The following SYNPR variants were observed in gnomAD, a reference collection of about 807,000 sequenced individuals.
SYNPR encodes synaptoporin.
In SYNPR, 23 loss-of-function variants were observed where a neutral mutation model predicts 32.9. That is an observed-to-expected ratio of 0.70 (90% CI 0.50 to 0.99). SYNPR has a LOEUF of 0.99. Among genes scored for constraint, SYNPR ranks in the 50% least tolerant of loss-of-function variants. The pLI, the probability that SYNPR is intolerant of heterozygous loss-of-function variation, is 0.00. For missense variants in SYNPR, 318 were observed against 349.3 expected (o/e 0.91, Z 0.71); for synonymous variants, 146 against 135.9 (o/e 1.07, Z -0.52).
chr3:63,315,053 G>C (rs891953225), intron 2 of SYNPR, among the ~76,000 whole-genome samples: 3 of 151,902 alleles, frequency 2.0e-5, no homozygotes, highest in African/African-American at 7.2e-5. Flanking sequence ...GTAAGTATTT[G>C]GGTTTATTTC....
chr3:63,320,892 C>A (rs1198495686), intron 2 of SYNPR, among the ~76,000 whole-genome samples: 2 of 152,048 alleles, frequency 1.3e-5, no homozygotes, highest in African/African-American at 2.4e-5. Context: ...AGAAACACTG[C>A]CATCTCAAAT....
chr3:63,476,212 AGG>A (rs1700911036), intron 2 of SYNPR, among the ~76,000 whole-genome samples: 1 of 74,050 alleles, frequency 1.4e-5, no homozygotes, highest in African/African-American at 5.7e-5. Context: ...GAAGGAAGGA[AGG>A]AGGGAAGGGA....
At chr3:63,332,457 T>C (rs1397324832) in intron 2 of SYNPR, among the ~76,000 whole-genome samples, 2 of 152,362 alleles carry the variant, frequency 1.3e-5, no homozygotes, top group Middle Eastern at 3.4e-3. Flanking sequence ...ATCTGCCCTA[T>C]CTGCCCTTTC....
Position 63,564,265 on chromosome 3 carries a change from C to T in SYNPR, c.408+7524C>T, listed in dbSNP as rs547952382. Among the ~76,000 whole-genome samples, 18 of 149,160 alleles carry T rather than the reference C, an allele frequency of 1.2e-4. 2 individuals are homozygous for T. In the South Asian group the frequency reaches 3.6e-3, roughly 30 times the overall value. ...TGGAGTGCAGTGGCACAGTCGATCT[C>T]GGCTCACTGCAACCACTGCCTCCTG... is the stretch of plus-strand genomic sequence containing the variant. On this transcript the variant is annotated intron_variant, in intron 4 of 5. Transcript: ENST00000478300.
intron 3 of SYNPR, among the ~76,000 whole-genome samples, chr3:63,508,341 A>G (rs1505585): frequency 0.68 from 103,538 of 151,952 alleles, 35,969 homozygotes; most frequent in African/African-American, 0.82. Context: ...TCTCAAGAGG[A>G]AGTGATTGAC....
intron 2 of SYNPR, among the ~76,000 whole-genome samples, chr3:63,352,807 A>G (rs1055338507): frequency 1.3e-5 from 2 of 152,144 alleles, no homozygotes; most frequent in African/African-American, 4.8e-5. Context: ...GCAGACAAGA[A>G]AGCATGTGTA....
At chr3:63,563,263 T>C (rs1381624510) in intron 4 of SYNPR, among the ~76,000 whole-genome samples, 1 of 152,186 alleles carries the variant, frequency 6.6e-6, no homozygotes, top group Non-Finnish European at 1.5e-5. Flanking sequence ...CCTTTGTGTT[T>C]CTTGAATCCC....
intron 1 of SYNPR, among the ~76,000 whole-genome samples, chr3:63,240,933 T>C (rs982945270): frequency 3.3e-5 from 5 of 152,024 alleles, no homozygotes; most frequent in Non-Finnish European, 5.9e-5. Context: ...ACCACACCCA[T>C]GCATGCATCT....
intron 3 of SYNPR, among the ~76,000 whole-genome samples, chr3:63,542,126 G>A (rs771026882): frequency 6.6e-6 from 1 of 152,060 alleles, no homozygotes; most frequent in Non-Finnish European, 1.5e-5. Flanking sequence ...CACTGTGCTG[G>A]GCGCTAGAGA....
chr3:63,532,224 C>A (rs1185233585), intron 3 of SYNPR, among the ~76,000 whole-genome samples: 1 of 152,188 alleles, frequency 6.6e-6, no homozygotes, highest in Non-Finnish European at 1.5e-5. Flanking sequence ...GGCTTTCCCT[C>A]TTTCAATCGT....
chr3:63,439,977 C>T (rs910410144), intron 2 of SYNPR, among the ~76,000 whole-genome samples: 10 of 152,124 alleles, frequency 6.6e-5, no homozygotes, highest in Non-Finnish European at 1.2e-4. Flanking sequence ...TTAAGCAAAA[C>T]AAACAAGTTT....
intron 2 of SYNPR, among the ~76,000 whole-genome samples, chr3:63,463,219 A>G (rs988612148): frequency 6.6e-6 from 1 of 152,140 alleles, no homozygotes. Flanking sequence ...TACCGTTGCA[A>G]TGAAGTGATT....
chr3:63,404,858 T>C (rs142748761), intron 2 of SYNPR, among the ~76,000 whole-genome samples: 41 of 152,280 alleles, frequency 2.7e-4, no homozygotes, highest in African/African-American at 9.6e-4. Flanking sequence ...TCTCAGGGGT[T>C]AGACAAAATT....
chr3:63,201,436 T>C, the SYNPR span, among the ~76,000 whole-genome samples: 1 of 152,280 alleles, frequency 6.6e-6, no homozygotes, highest in Middle Eastern at 3.4e-3. Context: ...TGTGTCTCTG[T>C]GGGACAGACA....
At chr3:63,377,064 C>G (rs2087904832) in intron 2 of SYNPR, among the ~76,000 whole-genome samples, 1 of 152,042 alleles carries the variant, frequency 6.6e-6, no homozygotes, top group African/African-American at 2.4e-5. Context: ...ACTGATGTAG[C>G]TATGTATAAG....
chr3:63,510,020 T>C (rs1219427554), intron 3 of SYNPR, among the ~76,000 whole-genome samples: 2 of 152,232 alleles, frequency 1.3e-5, no homozygotes, highest in Non-Finnish European at 2.9e-5. Flanking sequence ...GAAAATATCA[T>C]TCTAGCCATT....
intron 4 of SYNPR, among the ~76,000 whole-genome samples, chr3:63,576,518 G>A (rs1016411830): frequency 1.7e-4 from 26 of 152,042 alleles, no homozygotes; most frequent in Admixed American, 3.3e-4. Flanking sequence ...GGGGCTGGGC[G>A]CGGTGACTCA....
chr3:63,220,473 A>G, the SYNPR span, among the ~76,000 whole-genome samples: 1 of 151,786 alleles, frequency 6.6e-6, no homozygotes, highest in Non-Finnish European at 1.5e-5. Context: ...TGAAAATCAC[A>G]TTTTTCCTTT....
intron 2 of SYNPR, among the ~76,000 whole-genome samples, chr3:63,292,248 A>G (rs773879636): frequency 1.3e-5 from 2 of 152,194 alleles, no homozygotes; most frequent in Non-Finnish European, 1.5e-5. Flanking sequence ...ATAATTGTGC[A>G]TATTTTGGGG....
Sources: allele counts gnomAD v4.1 joint callset (sites outside exome capture counted in the v4.1 genomes callset), GRCh38; gene constraint gnomAD v4.1.1; transcripts MANE v1.5; gene names NCBI Gene and HGNC (gene_info 2026-07-23, HGNC 2026-07-21).